ZBTB4: variants seen among roughly 807,000 people sequenced by gnomAD.
ZBTB4 encodes zinc finger and BTB domain-containing protein 4.
A neutral mutation model predicts 59.8 loss-of-function variants in ZBTB4; 14 were observed. That is an observed-to-expected ratio of 0.23 (90% CI 0.15 to 0.37). The LOEUF (loss-of-function observed/expected upper bound fraction) is 0.37. ZBTB4 is among the 10% of genes least tolerant of loss of function. ZBTB4 has a pLI of 1.00. For missense variants in ZBTB4, 1,198 were observed against 1,380.8 expected, an observed-to-expected ratio of 0.87 and a Z score of 2.10; for synonymous variants, 587 against 575.2, an observed-to-expected ratio of 1.02 and a Z score of -0.29.
In ZBTB4 at chr17:7,460,605, G is replaced by C. The variant is rs531904690; in HGVS notation, c.*1335C>G. On this transcript the variant is annotated 3_prime_UTR_variant, in exon 4 of 4. Coordinates refer to ENST00000380599, the MANE Select transcript of ZBTB4 (RefSeq NM_001128833.2). ...GAAATATTTATCCAATCACAGAGCA[G>C]GGAGGCCCAGTTTTCAAAGAGAATT... The C allele has an allele frequency of 2.6e-5, 4 of 152,602 alleles. No homozygotes were observed. Among genetic ancestry groups the C allele is most frequent in the African/African-American group, 9.6e-5 (4 of 41,570 alleles). 9.5% of individuals were successfully genotyped at this position (152,602 alleles called of 1,614,324 possible).
At chr17:7,472,634 CTT>C (rs71157290) in intron 1 of ZBTB4, among the ~76,000 whole-genome samples, 38 of 72,934 alleles carry the variant, frequency 5.2e-4, no homozygotes, top group African/African-American at 2.0e-3. Flanking sequence ...CCTGGCCATT[CTT>C]TTTTTTTTTT....
At chr17:7,477,608 G>C (rs1239783859) in intron 1 of ZBTB4, among the ~76,000 whole-genome samples, 1 of 152,188 alleles carries the variant, frequency 6.6e-6, no homozygotes, top group African/African-American at 2.4e-5. Flanking sequence ...GTCCCCAAAG[G>C]TGAGGAAAAC....
At chr17:7,476,348 C>A (rs965566326) in intron 1 of ZBTB4, among the ~76,000 whole-genome samples, 1 of 152,216 alleles carries the variant, frequency 6.6e-6, no homozygotes, top group African/African-American at 2.4e-5. Flanking sequence ...CCTCTTCAAA[C>A]ACACAGTACT....
upstream of ZBTB4, chr17:7,482,281 C>T: frequency 6.2e-7 from 1 of 1,614,050 alleles, no homozygotes; most frequent in South Asian, 1.1e-5. Context: ...GACCTCCTGA[C>T]ATCCGAGGCC....
chr17:7,468,702 T>C (rs767316049), intron 1 of ZBTB4, among the ~76,000 whole-genome samples: 1 of 152,178 alleles, frequency 6.6e-6, no homozygotes, highest in Non-Finnish European at 1.5e-5. Flanking sequence ...GGGCCACGTG[T>C]CTTCAGAGGT....
Position 7,466,393 on chromosome 17 carries a change from A to T in ZBTB4, c.409T>A (p.Ser137Thr), listed in dbSNP as rs1276528252. The T allele has an allele frequency of 2.5e-6, 4 of 1,613,936 alleles. No homozygotes were observed. The highest frequency in any genetic ancestry group is 3.4e-6 in the Non-Finnish European group (4 of 1,180,002). ...CTGTAGATGAAGTTGAGGACATCAG[A>T]AAACGCAGCTGCTGGGACTCCTGGC... is the stretch of plus-strand genomic sequence containing the variant. ...ELPGVPAAAF[S>T]DVLNFIYSAR... Residue 137 changes from serine to threonine, a missense_variant, in exon 3 of 4, where the codon TCT (serine) becomes ACT (threonine). By Grantham distance (58) the Ser-to-Thr change is moderately conservative. This residue lies in a region of ZBTB4 where 31 missense variants were observed against 67.6 expected (regional missense o/e 0.46). Transcript: ENST00000380599. The surrounding 1 kb of genome is among the most constrained non-coding windows in gnomAD (Gnocchi z 9.1).
upstream of ZBTB4, among the ~76,000 whole-genome samples, chr17:7,481,714 G>A (rs939029355): frequency 2.9e-4 from 44 of 152,090 alleles, no homozygotes; most frequent in African/African-American, 9.7e-4. Flanking sequence ...TCCTCAATCC[G>A]AGAGAGCATC....
rs143239189 is a variant in ZBTB4, at chr17:7,472,778, C to T, written c.-80-5451G>A. On this transcript the variant is annotated intron_variant, in intron 1 of 3. Coordinates refer to ENST00000380599, the MANE Select transcript of ZBTB4 (RefSeq NM_001128833.2). The stretch of plus-strand genomic sequence containing the variant: ...ACCTCAGCGTCCCTAGTAGCTGGCA[C>T]CACAGGTGCACACCACAATGCCCAG... Among the ~76,000 whole-genome samples, 227 of 151,000 alleles carry T rather than the reference C, an allele frequency of 1.5e-3. 1 individual carries two copies. The highest frequency in any genetic ancestry group is 5.4e-3 in the African/African-American group (221 of 41,094).
rs191958802 is a variant in ZBTB4, at chr17:7,469,510, C to T, written c.-80-2183G>A. On this transcript the variant is annotated intron_variant, in intron 1 of 3. Coordinates refer to ENST00000380599, the MANE Select transcript of ZBTB4 (RefSeq NM_001128833.2). ...GGGCACGGTGGCTCATGCCCGTAAT[C>T]CCAGCACTTTGGGAGGCCAAGGCGG... is the stretch of plus-strand genomic sequence containing the variant. Among the ~76,000 whole-genome samples the T allele has an allele frequency of 5.7e-3, 863 of 150,772 alleles. 8 individuals carry two copies. Among genetic ancestry groups the T allele is most frequent in the African/African-American group, 0.019 (797 of 41,258 alleles).
Position 7,466,497 on chromosome 17 carries a change from G to A in ZBTB4, c.305C>T (p.Ser102Phe), listed in dbSNP as rs770758499. The change falls in exon 3 of 4, where the codon TCT (serine) becomes TTT (phenylalanine). Residue 102 changes from serine to phenylalanine, a missense_variant. This residue lies in a region of ZBTB4 where 83 missense variants were observed against 76.5 expected (regional missense o/e 1.09). Transcript: ENST00000380599. The surrounding 1 kb of genome is among the most constrained non-coding windows in gnomAD (Gnocchi z 9.1). ...SSSSSSSSSASSSSSSSSSSP... is the reference protein window; with the variant it reads ...SSSSSSSSSAFSSSSSSSSSP... ...GGAAGAGGAAGAGGAAGAAGAAGAAGAAGCAGAGGAGGAAGAAGAGGAAGA... is the reference window on the plus strand; with the variant it reads ...GGAAGAGGAAGAGGAAGAAGAAGAAAAAGCAGAGGAGGAAGAAGAGGAAGA... The A allele has an allele frequency of 7.5e-6, 12 of 1,609,308 alleles. No homozygotes were observed. Among genetic ancestry groups the A allele is most frequent in the African/African-American group, 1.3e-5 (1 of 74,908 alleles).
In ZBTB4 at chr17:7,462,009, TGGAGGAAGAGTTGGG is replaced by T. The variant is rs1434917917; in HGVS notation, c.2958_2972del (p.Thr988_Pro992del). 1 of 1,602,256 alleles carries T rather than the reference TGGAGGAAGAGTTGGG, an allele frequency of 6.2e-7. No individual in the cohort carries two copies. Among genetic ancestry groups the T allele is most frequent in the Admixed American group, 1.7e-5 (1 of 58,794 alleles). On this transcript the variant is annotated inframe_deletion, in exon 4 of 4. Transcript: ENST00000380599. The surrounding 1 kb of genome is among the most constrained non-coding windows in gnomAD (Gnocchi z 7.5). The stretch of plus-strand genomic sequence containing the variant: ...CCCCTTCTCCCTTAGGGGGAATTGG[TGGAGGAAGAGTTGGG>T]GGAGGTGGTGTTGGTGGGGCAGGGG...
At position 7,463,190 on chromosome 17, in the gene ZBTB4, G is replaced by C; in HGVS notation, c.1792C>G (p.Pro598Ala). The C allele has an allele frequency of 6.2e-7, 1 of 1,607,844 alleles. No homozygotes were observed. Among genetic ancestry groups the C allele is most frequent in the Non-Finnish European group, 8.5e-7 (1 of 1,178,966 alleles). ...AGRGPSQLQAPPPLCQITVRI... is the reference protein window; with the variant it reads ...AGRGPSQLQAAPPLCQITVRI... Reference sequence around the variant, plus strand: ...ACAGTGATCTGACACAGTGGAGGTGGAGCCTGCAGCTGAGAGGGGCCCCGG... The same window carrying C: ...ACAGTGATCTGACACAGTGGAGGTGCAGCCTGCAGCTGAGAGGGGCCCCGG... The change falls in exon 4 of 4, where the codon CCA becomes GCA. Residue 598 changes from proline (P) to alanine (A), a missense_variant. This residue lies in a region of ZBTB4 where 550 missense variants were observed against 541.8 expected (regional missense o/e 1.02). Transcript: ENST00000380599.
At chr17:7,473,111 T>G (rs1212408169) in intron 1 of ZBTB4, among the ~76,000 whole-genome samples, 1 of 576 alleles carries the variant, frequency 1.7e-3, no homozygotes, top group Non-Finnish European at 0.01. Context: ...CGCGCCACCA[T>G]TTTTTTTTTT....
Position 7,467,295 on chromosome 17 carries a change from C to T in ZBTB4, c.-48G>A. 1.0e-6 allele frequency: 1 copy of T among 974,842 alleles called. No individual in the cohort carries two copies. Among genetic ancestry groups the T allele is most frequent in the South Asian group, 4.7e-5 (1 of 21,064 alleles). 60.4% of individuals were successfully genotyped at this position (974,842 alleles called of 1,614,324 possible). On this transcript the variant is annotated 5_prime_UTR_variant, in exon 2 of 4. Transcript: ENST00000380599. ...CAACATGGAGTGGGGCGGGGGGTGG[C>T]TCAGCGAGTCCCTTCTGCTGGGCCT... is the stretch of plus-strand genomic sequence containing the variant.
In ZBTB4 at chr17:7,460,012, A is replaced by G. The variant is rs956290965; in HGVS notation, c.*1928T>C. The G allele has an allele frequency of 6.6e-6, 1 of 152,562 alleles. No individual in the cohort carries two copies. The highest frequency in any genetic ancestry group is 2.4e-5 in the African/African-American group (1 of 41,428). The allele number at this position is 152,562 out of a possible 1,614,324, so 9.5% of individuals were successfully genotyped here. On this transcript the variant is annotated 3_prime_UTR_variant, in exon 4 of 4. Coordinates refer to ENST00000380599, the MANE Select transcript of ZBTB4 (RefSeq NM_001128833.2). ...TTCCGCTGTATAGATAGATAGATAT[A>G]TAATTTGTGTGTAGATATATATATA... is the stretch of plus-strand genomic sequence containing the variant.
intron 1 of ZBTB4, among the ~76,000 whole-genome samples, chr17:7,472,752 C>T (rs1050486933): frequency 1.3e-5 from 2 of 150,850 alleles, no homozygotes; most frequent in African/African-American, 4.9e-5. Flanking sequence ...CATGACCTCC[C>T]ACCTCAGCGT....
At position 7,463,936 on chromosome 17, in the gene ZBTB4, G is replaced by T. The variant is rs201283443; in HGVS notation, c.1092-46C>A. 2.5e-6 allele frequency: 4 copies of T among 1,572,126 alleles called. No individual in the cohort carries two copies. In the African/African-American group the frequency reaches 4.1e-5, roughly 16 times the overall value. On this transcript the variant is annotated intron_variant, in intron 3 of 3. Transcript: ENST00000380599. ...ATAGGGCAGGAACACAGGCACTTGA[G>T]TCAAGGGCCCTGAAGCCTCCCAGGT...
chr17:7,474,650 C>T (rs2070244824), intron 1 of ZBTB4, among the ~76,000 whole-genome samples: 1 of 152,086 alleles, frequency 6.6e-6, no homozygotes, highest in Admixed American at 6.6e-5. Flanking sequence ...AAAGTCCATC[C>T]TCCAGGATGG....
At position 7,463,522 on chromosome 17, in the gene ZBTB4, C is replaced by A. The variant is rs763734221; in HGVS notation, c.1460G>T (p.Ser487Ile). The A allele has an allele frequency of 4.8e-5, 76 of 1,573,450 alleles. No homozygotes were observed. Among genetic ancestry groups the A allele is most frequent in the Non-Finnish European group, 6.5e-5 (75 of 1,160,312 alleles). The change falls in exon 4 of 4, where the codon AGT (serine) becomes ATT (isoleucine). Residue 487 changes from serine (S) to isoleucine (I), a missense_variant. Transcript: ENST00000380599. ...PAPSVIVHGG[S>I]SSGGGGSGTA... ...CCCACTCCCCCCTCCACCACTGCTACTGCCCCCATGGACAATGACAGAGGG... is the reference window on the plus strand; with the variant it reads ...CCCACTCCCCCCTCCACCACTGCTAATGCCCCCATGGACAATGACAGAGGG...
Sources: gnomAD v4.1 joint callset for allele counts (sites outside exome capture counted in the v4.1 genomes callset) on GRCh38, gnomAD v4.1.1 for gene constraint, gnomAD v4.1.1 regional missense constraint, Gnocchi (gnomAD v3.1) non-coding constraint, MANE v1.5 for transcripts, NCBI Gene and HGNC (gene_info 2026-07-23, HGNC 2026-07-21) for gene names.